Variants in NFIA observed in about 807,000 individuals in gnomAD.
The protein encoded by NFIA is nuclear factor I A.
NFIA carries 8 observed loss-of-function variants against 62.8 expected under a neutral mutation model. The observed-to-expected ratio is 0.13, with a 90% CI of 0.07 to 0.23. NFIA has a LOEUF of 0.23. Among genes scored for constraint, NFIA ranks in the 10% least tolerant of loss-of-function variants. The probability of loss-of-function intolerance (pLI) is 1.00; values close to 1 mark genes in which losing one functional copy is unlikely to be tolerated. For synonymous variants in NFIA, 235 were observed against 238.1 expected, an observed-to-expected ratio of 0.99 and a Z score of 0.12; for missense variants, 410 against 642.1, an observed-to-expected ratio of 0.64 and a Z score of 3.91.
At chr1:61,357,808 C>A (rs115653406) in intron 5 of NFIA, among the ~76,000 whole-genome samples, 1 of 152,096 alleles carries the variant, frequency 6.6e-6, no homozygotes, top group Non-Finnish European at 1.5e-5. Context: ...TCCCCTGAAA[C>A]GTGAAGAAGA....
At chr1:61,353,734 C>CAGGT (rs1377630524) in intron 5 of NFIA, among the ~76,000 whole-genome samples, 3 of 152,124 alleles carry the variant, frequency 2.0e-5, no homozygotes, top group Non-Finnish European at 4.4e-5. Flanking sequence ...GTTAAAGAAA[C>CAGGT]AGGTATTCCC....
chr1:61,128,924 T>TTG (rs1211031363), intron 2 of NFIA, among the ~76,000 whole-genome samples: 4 of 128,162 alleles, frequency 3.1e-5, no homozygotes, highest in South Asian at 2.9e-4. Flanking sequence ...TGTTTTTTTT[T>TTG]TTTTTTTTTT....
upstream of NFIA, chr1:61,077,641 T>TCTTAAA (rs1259489337): frequency 1.4e-6 from 2 of 1,414,226 alleles, no homozygotes; most frequent in Admixed American, 2.5e-5. Context: ...ACGTGGTACA[T>TCTTAAA]CTTAAACTTT....
intron 3 of NFIA, among the ~76,000 whole-genome samples, chr1:61,297,317 A>G (rs1042561664): frequency 1.1e-4 from 16 of 152,140 alleles, no homozygotes; most frequent in African/African-American, 3.9e-4. Context: ...TATTTCCTCT[A>G]TAAGAGGCAG....
intron 2 of NFIA, among the ~76,000 whole-genome samples, chr1:61,251,663 A>C (rs2100212659): frequency 6.6e-6 from 1 of 152,310 alleles, no homozygotes; most frequent in East Asian, 1.9e-4. Context: ...TAAAATACTG[A>C]AAAATTATGA....
Position 61,176,887 on chromosome 1 carries a change from G to A in NFIA, c.559+88207G>A, listed in dbSNP as rs139081381. On this transcript the variant is annotated intron_variant, in intron 2 of 10. Transcript: ENST00000403491. ...TGGGAGGCTGCGGCGGGCAGATCACGAGGTCAGGAGATCGAGACCATCCTG... is the reference window on the plus strand; with the variant it reads ...TGGGAGGCTGCGGCGGGCAGATCACAAGGTCAGGAGATCGAGACCATCCTG... Among the ~76,000 whole-genome samples, 666 of 152,154 alleles carry A rather than the reference G, an allele frequency of 4.4e-3. 16 individuals carry two copies. The East Asian group carries it at 0.055, about 13-fold the overall frequency.
At chr1:61,176,234 A>C (rs547720334) in intron 2 of NFIA, among the ~76,000 whole-genome samples, 1 of 152,350 alleles carries the variant, frequency 6.6e-6, no homozygotes, top group East Asian at 1.9e-4. Context: ...GTCTCCTAGC[A>C]GGGCCATACT....
intron 2 of NFIA, among the ~76,000 whole-genome samples, chr1:61,258,367 C>A (rs1033063109): frequency 2.6e-5 from 4 of 152,178 alleles, no homozygotes; most frequent in Non-Finnish European, 4.4e-5. Context: ...AGTTTCTAGA[C>A]CCATCTTTTT....
chr1:61,190,323 G>A (rs1195104262), intron 2 of NFIA, among the ~76,000 whole-genome samples: 2 of 152,138 alleles, frequency 1.3e-5, no homozygotes, highest in East Asian at 1.9e-4. Flanking sequence ...TGAGGTTGGC[G>A]GTTCCTTTAT....
At chr1:61,348,405 A>C (rs898613202) in intron 4 of NFIA, among the ~76,000 whole-genome samples, 3 of 152,364 alleles carry the variant, frequency 2.0e-5, no homozygotes, top group African/African-American at 7.2e-5. Flanking sequence ...TTCAAGACAC[A>C]CATAACCAGT....
chr1:61,422,780 T>A (rs1666691729), intron 9 of NFIA, among the ~76,000 whole-genome samples: 1 of 148,628 alleles, frequency 6.7e-6, no homozygotes, highest in Non-Finnish European at 1.5e-5. Context: ...TACTGATGGA[T>A]GATTCCCCTA....
chr1:61,334,590 T>TC (rs1458856583), intron 4 of NFIA, among the ~76,000 whole-genome samples: 1 of 115,644 alleles, frequency 8.6e-6, no homozygotes, highest in South Asian at 2.8e-4. Flanking sequence ...TATATATATA[T>TC]ATATATATAT....
chr1:61,193,919 G>T (rs899467212), intron 2 of NFIA, among the ~76,000 whole-genome samples: 6 of 152,036 alleles, frequency 3.9e-5, no homozygotes, highest in Non-Finnish European at 8.8e-5. Context: ...TTTATTGAGG[G>T]CTTTGTCTAC....
At chr1:61,185,037 A>G (rs1425277450) in intron 2 of NFIA, among the ~76,000 whole-genome samples, 1 of 152,234 alleles carries the variant, frequency 6.6e-6, no homozygotes, top group Non-Finnish European at 1.5e-5. Flanking sequence ...AACACTTTTA[A>G]AAGGTTTTAA....
In NFIA at chr1:61,359,222, G is replaced by A. The variant is rs747060223; in HGVS notation, c.894G>A (p.Gly298=). The change falls in exon 6 of 11, where the codon GGG becomes GGA. Residue 298 remains glycine, a synonymous_variant. Transcript: ENST00000403491. ...PGEEPFYTGQ[G]RSPGSGSQSS... ...AGGAGCCATTTTATACAGGCCAAGG[G>A]CGCTCCCCAGGAAGTGGCAGTCAGT... The A allele has an allele frequency of 1.4e-5, 23 of 1,612,822 alleles. No homozygotes were observed. The Admixed American group carries it at 3.7e-4, about 26-fold the overall frequency.
chr1:61,118,665 TG>T (rs1646834527), intron 2 of NFIA, among the ~76,000 whole-genome samples: 1 of 1,296 alleles, frequency 7.7e-4, no homozygotes, highest in South Asian at 0.015. Context: ...GATGAGTGTG[TG>T]TGTGTGTGTG....
intron 6 of NFIA, among the ~76,000 whole-genome samples, chr1:61,361,129 T>C (rs931602326): frequency 6.6e-6 from 1 of 152,196 alleles, no homozygotes; most frequent in South Asian, 2.1e-4. Flanking sequence ...CTTCCGTGAC[T>C]TCTGTTTCTA....
Position 61,455,387 on chromosome 1 carries a change from G to C in NFIA, c.*67G>C. 19 of 1,613,358 alleles carry C rather than the reference G, an allele frequency of 1.2e-5. No homozygotes were observed. Among genetic ancestry groups the C allele is most frequent in the Non-Finnish European group, 1.5e-5 (18 of 1,179,718 alleles). On this transcript the variant is annotated 3_prime_UTR_variant, in exon 11 of 11. Transcript: ENST00000403491. ...CCCTTCTCAACTCTGTAACATGGACGCAACCTCAACCCAGCGCAGTTACAA... is the reference window on the plus strand; with the variant it reads ...CCCTTCTCAACTCTGTAACATGGACCCAACCTCAACCCAGCGCAGTTACAA...
chr1:61,287,319 A>G (rs558096547), intron 3 of NFIA, among the ~76,000 whole-genome samples: 51 of 152,334 alleles, frequency 3.3e-4, no homozygotes, highest in African/African-American at 1.1e-3. Flanking sequence ...TCCCTCGTGC[A>G]TATTACTAAA....
Sources: gnomAD v4.1 joint callset for allele counts (sites outside exome capture counted in the v4.1 genomes callset) on GRCh38, gnomAD v4.1.1 for gene constraint, MANE v1.5 for transcripts, NCBI Gene and HGNC (gene_info 2026-07-23, HGNC 2026-07-21) for gene names.